ABHD2: variants seen among roughly 807,000 people sequenced by gnomAD.
ABHD2 encodes monoacylglycerol lipase ABHD2.
In ABHD2, 20 loss-of-function variants were observed where a neutral mutation model predicts 48.1. The ratio of observed to expected loss-of-function variants is 0.42; its 90% CI spans 0.29 to 0.60. The LOEUF (loss-of-function observed/expected upper bound fraction) is 0.60. ABHD2 is among the 20% of genes least tolerant of loss of function. ABHD2 has a pLI of 0.24. For synonymous variants in ABHD2, 209 were observed against 214.2 expected (o/e 0.98, Z 0.21); for missense variants, 405 against 550.9 (o/e 0.74, Z 2.65).
In ABHD2 at chr15:89,166,144, A is replaced by G. The variant is rs1375602565; in HGVS notation, c.539-9668A>G. ...AGAGAAAAAAATAGGATTAAAAACA[A>G]TATCTTCTATGTCAAGTGAAAGGAA... On this transcript the variant is annotated intron_variant, in intron 5 of 10. Transcript: ENST00000352732. This position sits in a 1 kb window ranked among gnomAD's most constrained non-coding sequence, Gnocchi z 4.6. Among the ~76,000 whole-genome samples the G allele has an allele frequency of 2.0e-5, 3 of 152,228 alleles. No individual in the cohort carries two copies. The highest frequency in any genetic ancestry group is 4.4e-5 in the Non-Finnish European group (3 of 68,040).
intron 3 of ABHD2, among the ~76,000 whole-genome samples, chr15:89,127,722 C>CACACATATAT (rs145443146): frequency 1.4e-4 from 18 of 133,136 alleles, no homozygotes; most frequent in African/African-American, 5.9e-4. Context: ...TATATATACA[C>CACACATATAT]ATATATATAT....
rs147106324 is a variant in ABHD2, at chr15:89,102,974, G to C, written c.-106-10751G>C. On this transcript the variant is annotated intron_variant, in intron 1 of 10. Coordinates refer to ENST00000352732, the MANE Select transcript of ABHD2 (RefSeq NM_152924.5). The surrounding 1 kb of genome is among the most constrained non-coding windows in gnomAD (Gnocchi z 4.8). ...AGGAGGAGTGAGCCTTGGAACAATAGTGGAGTGTTTGTGGTGGACGGACGG... is the reference window on the plus strand; with the variant it reads ...AGGAGGAGTGAGCCTTGGAACAATACTGGAGTGTTTGTGGTGGACGGACGG... Among the ~76,000 whole-genome samples the C allele has an allele frequency of 1.1e-3, 171 of 152,346 alleles. 2 individuals carry two copies. The highest frequency in any genetic ancestry group is 3.7e-3 in the African/African-American group (155 of 41,582).
the ABHD2 span, among the ~76,000 whole-genome samples, chr15:89,052,425 C>T: frequency 6.6e-6 from 1 of 152,046 alleles, no homozygotes; most frequent in African/African-American, 2.4e-5. Context: ...CTTAGAATTT[C>T]ATGGTGGCCA....
Position 89,189,262 on chromosome 15 carries a change from A to G in ABHD2, c.926+959A>G, listed in dbSNP as rs1001694703. Reference sequence around the variant, plus strand: ...CACTTGGGGAGGCTGAGGCTGGAGGATCACATGAGGCAAGGAGTTTGAGAC... The same window carrying G: ...CACTTGGGGAGGCTGAGGCTGGAGGGTCACATGAGGCAAGGAGTTTGAGAC... On this transcript the variant is annotated intron_variant, in intron 8 of 10. Coordinates refer to ENST00000352732, the MANE Select transcript of ABHD2 (RefSeq NM_152924.5). This position sits in a 1 kb window ranked among gnomAD's most constrained non-coding sequence, Gnocchi z 4.9. Among the ~76,000 whole-genome samples the G allele has an allele frequency of 4.6e-5, 7 of 152,152 alleles. No homozygotes were observed. The highest frequency in any genetic ancestry group is 7.4e-5 in the Non-Finnish European group (5 of 68,024).
Position 89,100,867 on chromosome 15 carries a change from CA to C in ABHD2, c.-107+12313del, listed in dbSNP as rs965830799. ...TGGGCCACAGTGAGAGACTCCATCTCAAAAAAAAAGGAACCTTATTTTATAA... is the reference window on the plus strand; with the variant it reads ...TGGGCCACAGTGAGAGACTCCATCTCAAAAAAAAGGAACCTTATTTTATAA... On this transcript the variant is annotated intron_variant, in intron 1 of 10. Transcript: ENST00000352732. This position sits in a 1 kb window ranked among gnomAD's most constrained non-coding sequence, Gnocchi z 4.4. Among the ~76,000 whole-genome samples the C allele has an allele frequency of 1.3e-5, 2 of 148,834 alleles. No homozygotes were observed. The highest frequency in any genetic ancestry group is 2.5e-5 in the African/African-American group (1 of 40,552).
intron 3 of ABHD2, among the ~76,000 whole-genome samples, chr15:89,132,347 G>A (rs1804476209): frequency 6.6e-6 from 1 of 152,168 alleles, no homozygotes; most frequent in Non-Finnish European, 1.5e-5. Context: ...ATAAATGTTT[G>A]CTCCCTCCCT....
At chr15:89,046,643 G>A in the ABHD2 span, among the ~76,000 whole-genome samples, 1 of 151,982 alleles carries the variant, frequency 6.6e-6, no homozygotes, top group African/African-American at 2.4e-5. Context: ...TATGTGTCGA[G>A]GAATTTATCC....
At chr15:89,194,153 C>T (rs901748876) in intron 10 of ABHD2, among the ~76,000 whole-genome samples, 4 of 151,910 alleles carry the variant, frequency 2.6e-5, no homozygotes, top group Non-Finnish European at 5.9e-5. Flanking sequence ...ACAAAAAATC[C>T]GGTTCTGCTA....
chr15:89,057,305 A>AC, the ABHD2 span, among the ~76,000 whole-genome samples: 1 of 151,772 alleles, frequency 6.6e-6, no homozygotes, highest in East Asian at 1.9e-4. Flanking sequence ...TTGAGAAGCC[A>AC]CCCCCGGGTT....
chr15:89,160,812 T>C (rs2050751302), intron 5 of ABHD2, among the ~76,000 whole-genome samples: 1 of 152,176 alleles, frequency 6.6e-6, no homozygotes, highest in Admixed American at 6.5e-5. Flanking sequence ...CTGGTCACAC[T>C]TTATTGGTCA....
intron 10 of ABHD2, 195 bp downstream of exon 10, chr15:89,193,514 T>A (rs969485377): frequency 1.7e-6 from 1 of 603,878 alleles, no homozygotes; most frequent in Non-Finnish European, 3.0e-6. Flanking sequence ...GCCTCCCTCG[T>A]GTTCCTCCCA....
the ABHD2 span, among the ~76,000 whole-genome samples, chr15:89,050,355 T>G: frequency 1.3e-5 from 2 of 152,152 alleles, no homozygotes; most frequent in Non-Finnish European, 2.9e-5. Context: ...TGTGGACATG[T>G]GTCCAATGAA....
chr15:89,132,300 AAATTG>A (rs2150847086), intron 3 of ABHD2, among the ~76,000 whole-genome samples: 1 of 152,334 alleles, frequency 6.6e-6, no homozygotes, highest in Non-Finnish European at 1.5e-5. Context: ...TGTAAGGGAC[AAATTG>A]AATTATGTAA....
chr15:89,050,927 G>T, the ABHD2 span, among the ~76,000 whole-genome samples: 2 of 151,848 alleles, frequency 1.3e-5, no homozygotes, highest in African/African-American at 4.8e-5. Context: ...CTAAAATCTG[G>T]AAGATAAATT....
the ABHD2 span, among the ~76,000 whole-genome samples, chr15:89,049,447 C>T: frequency 6.6e-6 from 1 of 152,230 alleles, no homozygotes; most frequent in Non-Finnish European, 1.5e-5. Context: ...GCTTTGTTTA[C>T]CTAAGGAAGC....
At position 89,198,149 on chromosome 15, in the gene ABHD2, A is replaced by G. The variant is rs2051433891; in HGVS notation, c.*2726A>G. 1 of 152,200 alleles carries G rather than the reference A, an allele frequency of 6.6e-6. No homozygotes were observed. The highest frequency in any genetic ancestry group is 2.4e-5 in the African/African-American group (1 of 41,432). 9.4% of individuals were successfully genotyped at this position (152,200 alleles called of 1,614,324 possible). A position where few individuals can be genotyped will look rare whatever the true frequency, so the allele number is the denominator to read the frequency against. ...GTATATGAATCCCCCTCTTGCTAGTAAGGTTCTATTTGGGCTAAAACAAGG... is the reference window on the plus strand; with the variant it reads ...GTATATGAATCCCCCTCTTGCTAGTGAGGTTCTATTTGGGCTAAAACAAGG... On this transcript the variant is annotated 3_prime_UTR_variant, in exon 11 of 11. Transcript: ENST00000352732. This position sits in a 1 kb window ranked among gnomAD's most constrained non-coding sequence, Gnocchi z 5.1.
At chr15:89,073,811 TG>T in the ABHD2 span, among the ~76,000 whole-genome samples, 25 of 152,262 alleles carry the variant, frequency 1.6e-4, no homozygotes, top group African/African-American at 5.8e-4. Context: ...TTCAGAGCGG[TG>T]GGTCTCAAAC....
chr15:89,074,941 C>T, the ABHD2 span, among the ~76,000 whole-genome samples: 1 of 152,162 alleles, frequency 6.6e-6, no homozygotes, highest in Non-Finnish European at 1.5e-5. Flanking sequence ...CAATTCCTGG[C>T]TTCTCCTTAA....
In ABHD2 at chr15:89,172,794, A is replaced by G. The variant is rs140358200; in HGVS notation, c.539-3018A>G. ...CTAGGAGAGTTTGGTAACTTACCCAAGGTAACGGTATTTTGCACAGTTTCC... is the reference window on the plus strand; with the variant it reads ...CTAGGAGAGTTTGGTAACTTACCCAGGGTAACGGTATTTTGCACAGTTTCC... On this transcript the variant is annotated intron_variant, in intron 5 of 10. Coordinates refer to ENST00000352732, the MANE Select transcript of ABHD2 (RefSeq NM_152924.5). Among the ~76,000 whole-genome samples, 124 of 152,326 alleles carry G rather than the reference A, an allele frequency of 8.1e-4. 3 individuals carry two copies. In the East Asian group the frequency reaches 0.011, roughly 14 times the overall value.
Sources: gnomAD v4.1 joint callset for allele counts (sites outside exome capture counted in the v4.1 genomes callset) on GRCh38, gnomAD v4.1.1 for gene constraint, Gnocchi (gnomAD v3.1) non-coding constraint, MANE v1.5 for transcripts, NCBI Gene and HGNC (gene_info 2026-07-23, HGNC 2026-07-21) for gene names.